The following DCAF6 variants were observed in gnomAD, a reference collection of about 807,000 sequenced individuals.
DCAF6 encodes the protein DDB1 and CUL4 associated factor 6.
DCAF6 carries 54 observed loss-of-function variants against 125.1 expected under a neutral mutation model. That is an observed-to-expected ratio of 0.43 (90% CI 0.35 to 0.54). The LOEUF is 0.54. Ranked by LOEUF, DCAF6 falls within the 20% of genes least tolerant of loss-of-function variation. The pLI is 0.01. For synonymous variants in DCAF6, 371 were observed against 390.4 expected, an observed-to-expected ratio of 0.95 and a Z score of 0.58; for missense variants, 934 against 1,161.7, an observed-to-expected ratio of 0.80 and a Z score of 2.85.
upstream of DCAF6, among the ~76,000 whole-genome samples, chr1:167,935,301 AG>A (rs1557858751): frequency 1.3e-5 from 2 of 152,244 alleles, no homozygotes; most frequent in Non-Finnish European, 2.9e-5. Flanking sequence ...CAGCAGCTGA[AG>A]AAAGTGACCT....
At chr1:168,052,422 C>T (rs1224515555) in intron 17 of DCAF6, among the ~76,000 whole-genome samples, 1 of 152,038 alleles carries the variant, frequency 6.6e-6, no homozygotes, top group African/African-American at 2.4e-5. Context: ...TAACAGTTAC[C>T]TCCCTGTAGA....
At chr1:168,052,160 A>G (rs1010965471) in intron 17 of DCAF6, among the ~76,000 whole-genome samples, 2 of 152,202 alleles carry the variant, frequency 1.3e-5, no homozygotes, top group East Asian at 3.9e-4. Context: ...CTGGGATTAC[A>G]GGCTTGAGCC....
At chr1:167,884,386 A>G in the DCAF6 span, among the ~76,000 whole-genome samples, 11 of 152,140 alleles carry the variant, frequency 7.2e-5, no homozygotes, top group African/African-American at 2.4e-4. Flanking sequence ...CTCATTCACT[A>G]TCACGAGAAC....
chr1:167,950,143 AT>A (rs1481014986), intron 1 of DCAF6, among the ~76,000 whole-genome samples: 1 of 150,830 alleles, frequency 6.6e-6, no homozygotes, highest in East Asian at 1.9e-4. Flanking sequence ...GGCTAGAGCC[AT>A]GTTTCAAACG....
chr1:168,031,197 G>A (rs1460626985), intron 12 of DCAF6, among the ~76,000 whole-genome samples: 1 of 151,304 alleles, frequency 6.6e-6, no homozygotes, highest in African/African-American at 2.5e-5. Context: ...AGAAAGAAGA[G>A]GACAGAGTAA....
intron 4 of DCAF6, among the ~76,000 whole-genome samples, chr1:167,984,438 T>G (rs1679650082): frequency 6.6e-6 from 1 of 152,228 alleles, no homozygotes; most frequent in South Asian, 2.1e-4. Context: ...ATTAATTTGA[T>G]TATCAAATTC....
chr1:167,947,367 C>T (rs1478090395), intron 1 of DCAF6, among the ~76,000 whole-genome samples: 4 of 149,336 alleles, frequency 2.7e-5, no homozygotes, highest in African/African-American at 9.9e-5. Flanking sequence ...GTCCATATTT[C>T]ATTTAGTTCT....
At chr1:168,001,246 G>A (rs1682568469) in intron 7 of DCAF6, among the ~76,000 whole-genome samples, 1 of 152,024 alleles carries the variant, frequency 6.6e-6, no homozygotes, top group South Asian at 2.1e-4. Context: ...GAGCTAGGAT[G>A]GGACCACTGC....
intron 11 of DCAF6, among the ~76,000 whole-genome samples, chr1:168,018,121 A>G (rs1392922920): frequency 2.6e-5 from 4 of 152,222 alleles, no homozygotes; most frequent in Admixed American, 2.6e-4. Context: ...TTCCTGTAGG[A>G]AAGTTAGATC....
At chr1:167,955,035 A>G (rs1251100370) in intron 2 of DCAF6, among the ~76,000 whole-genome samples, 1 of 151,998 alleles carries the variant, frequency 6.6e-6, no homozygotes, top group Non-Finnish European at 1.5e-5. Context: ...TCCTTTTTTC[A>G]TTTGGCTTTT....
intron 21 of DCAF6, among the ~76,000 whole-genome samples, chr1:168,072,019 G>C (rs144652192): frequency 1.4e-4 from 21 of 152,026 alleles, no homozygotes; most frequent in African/African-American, 5.1e-4. Context: ...GTCTTCCCTG[G>C]TAGTGCGGTG....
intron 16 of DCAF6, among the ~76,000 whole-genome samples, chr1:168,046,616 G>A (rs1558025433): frequency 6.6e-6 from 1 of 152,054 alleles, no homozygotes; most frequent in African/African-American, 2.4e-5. Flanking sequence ...AGCATTCTTA[G>A]TATATATTTT....
chr1:167,971,309 T>C (rs1478832963), intron 3 of DCAF6, among the ~76,000 whole-genome samples: 3 of 152,242 alleles, frequency 2.0e-5, no homozygotes, highest in Non-Finnish European at 4.4e-5. Flanking sequence ...GTTTGCATGT[T>C]GTGCTTAGAT....
At chr1:168,020,599 T>C (rs761461503) in intron 11 of DCAF6, among the ~76,000 whole-genome samples, 19 of 152,154 alleles carry the variant, frequency 1.2e-4, no homozygotes, top group Non-Finnish European at 2.5e-4. Flanking sequence ...TAAACTACCA[T>C]TGGACCATAT....
At position 167,966,736 on chromosome 1, in the gene DCAF6, AAAATCTG is replaced by A; in HGVS notation, c.252+16_252+22del. 6.8e-7 allele frequency: 1 copy of A among 1,463,338 alleles called. No homozygotes were observed. The highest frequency in any genetic ancestry group is 9.5e-7 in the Non-Finnish European group (1 of 1,057,440). 90.6% of individuals were successfully genotyped at this position (1,463,338 alleles called of 1,614,324 possible). A position where few individuals can be genotyped will look rare whatever the true frequency, so the allele number is the denominator to read the frequency against. On this transcript the variant is annotated intron_variant, in intron 3 of 21. Coordinates refer to ENST00000367840, the MANE Select transcript of DCAF6 (RefSeq NM_001198956.2). ...ACAGCAGAAAGGTAAAGTAGTTTAA[AAAATCTG>A]TAATTTAATGAGAGAAAAAAAATCA...
the DCAF6 span, among the ~76,000 whole-genome samples, chr1:167,916,109 G>A: frequency 6.6e-6 from 1 of 152,210 alleles, no homozygotes; most frequent in African/African-American, 2.4e-5. Flanking sequence ...TTGATAGTAA[G>A]GACTTCTAAT....
At chr1:167,979,402 C>T (rs1678760066) in intron 4 of DCAF6, among the ~76,000 whole-genome samples, 1 of 152,100 alleles carries the variant, frequency 6.6e-6, no homozygotes, top group African/African-American at 2.4e-5. Context: ...CCCTGGCAAC[C>T]ATCATTCTAC....
intron 2 of DCAF6, among the ~76,000 whole-genome samples, chr1:167,965,019 C>A (rs1676182971): frequency 6.6e-6 from 1 of 152,238 alleles, no homozygotes; most frequent in African/African-American, 2.4e-5. Context: ...ACAGTTCCAA[C>A]AGTCCTGCTA....
Position 167,985,112 on chromosome 1 carries a change from T to G in DCAF6, c.439-2383T>G, listed in dbSNP as rs184175134. On this transcript the variant is annotated intron_variant, in intron 4 of 21. Transcript: ENST00000367840. ...GACCTGCCCACATGATTCAGTTACC[T>G]CCCACTGGGTCCCTCCCACAACACG... Among the ~76,000 whole-genome samples the G allele has an allele frequency of 1.6e-3, 240 of 152,114 alleles. 3 individuals carry two copies. Among genetic ancestry groups the G allele is most frequent in the Admixed American group, 0.011 (170 of 15,274 alleles).
Sources: gnomAD v4.1 joint callset for allele counts (sites outside exome capture counted in the v4.1 genomes callset) on GRCh38, gnomAD v4.1.1 for gene constraint, MANE v1.5 for transcripts, NCBI Gene and HGNC (gene_info 2026-07-23, HGNC 2026-07-21) for gene names.